Variants in TMEM126B observed in about 807,000 individuals in gnomAD.
TMEM126B encodes transmembrane protein 126B.
In TMEM126B, 19 loss-of-function variants were observed where a neutral mutation model predicts 16.5. The ratio of observed to expected loss-of-function variants is 1.15; its 90% CI spans 0.80 to 1.69. TMEM126B has a LOEUF of 1.69. TMEM126B is among the 40% of genes most tolerant of loss of function. TMEM126B has a pLI of 0.00. For missense variants in TMEM126B, 293 were observed against 278.7 expected (o/e 1.05, Z -0.37); for synonymous variants, 104 against 93.2 (o/e 1.12, Z -0.67).
chr11:85,631,734 A>G lies in TMEM126B; in HGVS notation c.129A>G (p.Leu43=), dbSNP rs767250668. 3 of 1,613,540 alleles carry G rather than the reference A, an allele frequency of 1.9e-6. No homozygotes were observed. Among genetic ancestry groups the G allele is most frequent in the Non-Finnish European group, 2.5e-6 (3 of 1,179,828 alleles). ...ASMHGQPSPS[L]EDAKLRRPMV... ...TGCATGGTCAGCCCAGTCCTTCTCT[A>G]GAAGATGCAAAACTCAGAAGACCAA... The change falls in exon 2 of 5, where the codon CTA becomes CTG. Residue 43 remains leucine (L), a synonymous_variant. Transcript: ENST00000358867.
intron 2 of TMEM126B, among the ~76,000 whole-genome samples, chr11:85,632,270 G>A (rs2082315255): frequency 6.6e-6 from 1 of 151,888 alleles, no homozygotes; most frequent in Non-Finnish European, 1.5e-5. Flanking sequence ...TGAGATAAGA[G>A]TCTCACTCTG....
At chr11:85,634,003 T>C in intron 2 of TMEM126B, 83 bp from the exon 3 acceptor site, 6 of 854,890 alleles carry the variant, frequency 7.0e-6, no homozygotes, top group Non-Finnish European at 9.2e-6. Context: ...TTGATATTGA[T>C]ATGCAATAAC....
At chr11:85,630,750 C>T (rs564982542) in intron 1 of TMEM126B, among the ~76,000 whole-genome samples, 3 of 152,180 alleles carry the variant, frequency 2.0e-5, no homozygotes, top group African/African-American at 4.8e-5. Context: ...AAGAACCTTC[C>T]GACCAAGGAG....
Position 85,628,706 on chromosome 11 carries a change from G to A in TMEM126B, c.81+18G>A, listed in dbSNP as rs979813350. On this transcript the variant is annotated intron_variant, in intron 1 of 4. Transcript: ENST00000358867. ...CGCCCAAGGTAGGCGGAAATCCGAA[G>A]TGGTATGGGGGGTGATTTCTGCACC... 34 of 1,526,492 alleles carry A rather than the reference G, an allele frequency of 2.2e-5. No individual in the cohort carries two copies. The highest frequency in any genetic ancestry group is 1.7e-4 in the Middle Eastern group (1 of 5,988). The allele number at this position is 1,526,492 out of a possible 1,614,324, so 94.6% of individuals were successfully genotyped here.
chr11:85,632,245 A>G (rs961038545), intron 2 of TMEM126B, among the ~76,000 whole-genome samples: 1 of 152,004 alleles, frequency 6.6e-6, no homozygotes, highest in East Asian at 1.9e-4. Context: ...ACATTAACAT[A>G]TTGACTTTTT....
chr11:85,631,695 G>A lies in TMEM126B; in HGVS notation c.90G>A (p.Lys30=), dbSNP rs144210716. The change falls in exon 2 of 5, where the codon AAG becomes AAA. Residue 30 remains lysine (K), a synonymous_variant. Coordinates refer to ENST00000358867, the MANE Select transcript of TMEM126B (RefSeq NM_018480.7). The part of the protein sequence containing the change: ...VGTEEAPKVF[K]MAASMHGQPS... ...GGAATTTTTTTTTCCAGGTTTTCAA[G>A]ATGGCAGCATCTATGCATGGTCAGC... The A allele has an allele frequency of 6.2e-7, 1 of 1,608,330 alleles. No individual in the cohort carries two copies. Among genetic ancestry groups the A allele is most frequent in the Non-Finnish European group, 8.5e-7 (1 of 1,178,624 alleles).
At chr11:85,634,032 G>A (rs2082352848) in intron 2 of TMEM126B, 54 bp from the exon 3 acceptor site, 1 of 1,254,612 alleles carries the variant, frequency 8.0e-7, no homozygotes, top group South Asian at 1.3e-5. Context: ...AGGAGAGGCT[G>A]TATCCATTAA....
intron 4 of TMEM126B, 123 bp downstream of exon 4, chr11:85,635,901 G>A (rs1307009538): frequency 7.5e-6 from 8 of 1,067,220 alleles, no homozygotes; most frequent in Admixed American, 3.3e-5. Flanking sequence ...AAATGTGGTA[G>A]TTTGGTATTT....
chr11:85,634,437 ATCC>A (rs1156891135), intron 3 of TMEM126B, 158 bp downstream of exon 3: 2 of 574,510 alleles, frequency 3.5e-6, no homozygotes, highest in East Asian at 3.2e-5. Context: ...CCCTGCAACA[ATCC>A]TCCTAATCAG....
chr11:85,634,155 C>G lies in TMEM126B; in HGVS notation c.273C>G (p.Phe91Leu). 6.2e-7 allele frequency: 1 copy of G among 1,613,746 alleles called. No homozygotes were observed. The highest frequency in any genetic ancestry group is 8.5e-7 in the Non-Finnish European group (1 of 1,179,870). ...TAGFSGIFSN[F>L]LFRRCFKVKH... is the part of the protein sequence containing the mutation. The stretch of plus-strand genomic sequence containing the variant: ...GTTTCTCTGGAATATTCTCAAACTT[C>G]CTGTTCAGACGCTGCTTCAAGGTTA... Residue 91 changes from phenylalanine to leucine, a missense_variant, in exon 3 of 5, where the codon TTC (phenylalanine) becomes TTG (leucine). Coordinates refer to ENST00000358867, the MANE Select transcript of TMEM126B (RefSeq NM_018480.7).
At chr11:85,631,917 C>T in intron 2 of TMEM126B, 109 bp downstream of exon 2, 1 of 1,171,632 alleles carries the variant, frequency 8.5e-7, no homozygotes, top group Non-Finnish European at 1.1e-6. Flanking sequence ...ATCTAAGATC[C>T]TATTCTTTGA....
Position 85,636,164 on chromosome 11 carries a change from T to C in TMEM126B, c.628T>C (p.Leu210=), listed in dbSNP as rs909501841. 6.2e-7 allele frequency: 1 copy of C among 1,611,470 alleles called. No individual in the cohort carries two copies. Among genetic ancestry groups the C allele is most frequent in the East Asian group, 2.2e-5 (1 of 44,790 alleles). The part of the protein sequence containing the change: ...PLVFQIMFGI[L]NGLYHYAVFE... ...AGTCTTTCAGATTATGTTTGGAATA[T>C]TAAATGGTCTATACCATTATGCAGT... The change falls in exon 5 of 5, where the codon TTA becomes CTA. Residue 210 remains leucine (L), a synonymous_variant. Transcript: ENST00000358867.
At chr11:85,631,359 T>G (rs2082293480) in intron 1 of TMEM126B, 1 of 1,178,756 alleles carries the variant, frequency 8.5e-7, no homozygotes, top group Non-Finnish European at 1.1e-6. Flanking sequence ...AGCCAACCTT[T>G]CAGACCTTCA....
chr11:85,636,302 G>A lies in TMEM126B; in HGVS notation c.*73G>A. The A allele has an allele frequency of 1.8e-6, 2 of 1,124,744 alleles. No individual in the cohort carries two copies. The highest frequency in any genetic ancestry group is 2.4e-6 in the Non-Finnish European group (2 of 841,268). The allele number at this position is 1,124,744 out of a possible 1,614,324, so 69.7% of individuals were successfully genotyped here. ...AGAGGACTCAGGCATTGCTGAAAGA[G>A]TTAAAAGTAACTGTGAACAAATAAT... On this transcript the variant is annotated 3_prime_UTR_variant, in exon 5 of 5. Transcript: ENST00000358867.
At chr11:85,632,556 A>G (rs530329776) in intron 2 of TMEM126B, among the ~76,000 whole-genome samples, 1 of 152,354 alleles carries the variant, frequency 6.6e-6, no homozygotes, top group Admixed American at 6.5e-5. Flanking sequence ...AGAAAACTAA[A>G]TCAGATTTTT....
At chr11:85,631,647 ATATCAT>A (rs1312452983) in intron 1 of TMEM126B, 34 bp from the exon 2 acceptor site, 2 of 1,579,872 alleles carry the variant, frequency 1.3e-6, no homozygotes, top group Non-Finnish European at 1.7e-6. Flanking sequence ...TGTAATATGA[ATATCAT>A]TAGCTATTAT....
Position 85,636,070 on chromosome 11 carries a change from A to G in TMEM126B, c.534A>G (p.Pro178=). The change falls in exon 5 of 5, where the codon CCA becomes CCG. Residue 178 remains proline (P), a synonymous_variant. Coordinates refer to ENST00000358867, the MANE Select transcript of TMEM126B (RefSeq NM_018480.7). ...ATKYHTVPLP[P]KGRVLIHWMT... is the part of the protein sequence containing the mutation. Reference sequence around the variant, plus strand: ...GGTATCATACCGTTCCACTGCCACCAAAAGGAAGGGTTTTAATCCATTGGA... The same window carrying G: ...GGTATCATACCGTTCCACTGCCACCGAAAGGAAGGGTTTTAATCCATTGGA... 6.2e-7 allele frequency: 1 copy of G among 1,600,956 alleles called. No homozygotes were observed. Among genetic ancestry groups the G allele is most frequent in the Non-Finnish European group, 8.5e-7 (1 of 1,176,100 alleles).
chr11:85,635,518 G>A, intron 3 of TMEM126B, 149 bp from the exon 4 acceptor site: 1 of 535,154 alleles, frequency 1.9e-6, no homozygotes, highest in Admixed American at 3.6e-5. Context: ...CATTTGGCCT[G>A]TTATATGCCA....
At chr11:85,634,051 G>A (rs776226990) in intron 2 of TMEM126B, 35 bp from the exon 3 acceptor site, 2 of 1,479,772 alleles carry the variant, frequency 1.4e-6, no homozygotes, top group Non-Finnish European at 9.3e-7. Context: ...AAGTTCAATG[G>A]TATAGTGAAC....
Sources: allele counts gnomAD v4.1 joint callset (sites outside exome capture counted in the v4.1 genomes callset), GRCh38; gene constraint gnomAD v4.1.1; transcripts MANE v1.5; gene names NCBI Gene and HGNC (gene_info 2026-07-23, HGNC 2026-07-21).